The following LRCH1 variants were observed in gnomAD, a reference collection of about 807,000 sequenced individuals.
LRCH1 encodes the protein leucine rich repeats and calponin homology domain containing 1, also known as leucine-rich repeat and calponin homology domain-containing protein 1.
Under a neutral mutation model 94.9 loss-of-function variants are expected in LRCH1, and 23 were observed. The observed-to-expected ratio is 0.24, with a 90% CI of 0.17 to 0.34. The LOEUF (loss-of-function observed/expected upper bound fraction) is 0.34, where lower values mean the gene tolerates loss of function less well. LRCH1 is among the 10% of genes least tolerant of loss of function. The pLI, the probability that LRCH1 is intolerant of heterozygous loss-of-function variation, is 1.00. For missense variants in LRCH1, 790 were observed against 945.9 expected, an observed-to-expected ratio of 0.84 and a Z score of 2.16; for synonymous variants, 364 against 354.9, an observed-to-expected ratio of 1.03 and a Z score of -0.29.
At position 46,744,575 on chromosome 13, in the gene LRCH1, T is replaced by A; in HGVS notation, c.*2727T>A. The A allele has an allele frequency of 1.0e-6, 1 of 985,386 alleles. No homozygotes were observed. Among genetic ancestry groups the A allele is most frequent in the Non-Finnish European group, 1.2e-6 (1 of 829,930 alleles). The allele number at this position is 985,386 out of a possible 1,614,324, so 61.0% of individuals were successfully genotyped here. ...CAATGTATGATAATCGAGTATAAAT[T>A]TCATCAATGAGAGTAGATAAATAAA... On this transcript the variant is annotated 3_prime_UTR_variant, in exon 20 of 20. Transcript: ENST00000389797.
intron 1 of LRCH1, among the ~76,000 whole-genome samples, chr13:46,636,688 C>T (rs1024500657): frequency 3.3e-5 from 5 of 152,174 alleles, no homozygotes; most frequent in African/African-American, 1.2e-4. Context: ...AGTCATTTCT[C>T]AGTCTTTGGC....
At position 46,723,287 on chromosome 13, in the gene LRCH1, A is replaced by G. The variant is rs758168374; in HGVS notation, c.1826A>G (p.Glu609Gly). 22 of 1,613,752 alleles carry G rather than the reference A, an allele frequency of 1.4e-5. No homozygotes were observed. Among genetic ancestry groups the G allele is most frequent in the Non-Finnish European group, 1.9e-5 (22 of 1,179,728 alleles). Residue 609 changes from glutamate (E) to glycine (G), a missense_variant, in exon 17 of 20, where the codon GAG becomes GGG. Glu to Gly is a moderately conservative substitution (Grantham distance 98). Around this residue, in one of 3 missense-constraint regions of LRCH1, gnomAD observed 460 missense variants for 508.9 expected, o/e 0.90. Transcript: ENST00000389797. Reference protein sequence around the residue: ...DPQFTIRRKMEQMREEKELVE... With the variant: ...DPQFTIRRKMGQMREEKELVE... ...CAGTTTACAATCCGGAGGAAAATGG[A>G]GCAGATGAGAGAAGAGAAAGAGCTG...
At chr13:46,667,397 T>C (rs9567716) in intron 2 of LRCH1, among the ~76,000 whole-genome samples, 96,679 of 151,760 alleles carry the variant, frequency 0.64, 31,265 homozygotes, top group Middle Eastern at 0.72. Context: ...GAATGACATA[T>C]ATTCAGAAAA....
intron 1 of LRCH1, among the ~76,000 whole-genome samples, chr13:46,635,444 T>C (rs554657730): frequency 8.1e-5 from 12 of 148,732 alleles, no homozygotes; most frequent in African/African-American, 3.0e-4. Flanking sequence ...ACCCTCCACT[T>C]GAAAGATCCG....
intron 1 of LRCH1, among the ~76,000 whole-genome samples, chr13:46,632,553 TG>T (rs1255169743): frequency 6.6e-6 from 1 of 152,254 alleles, no homozygotes; most frequent in Non-Finnish European, 1.5e-5. Context: ...TATTTCAAAT[TG>T]TTTACAAGAC....
At chr13:46,689,621 C>T (rs181990214) in intron 7 of LRCH1, among the ~76,000 whole-genome samples, 6 of 152,190 alleles carry the variant, frequency 3.9e-5, no homozygotes, top group Admixed American at 3.9e-4. Flanking sequence ...ATCAACTGTA[C>T]ATTTTATTTT....
chr13:46,588,434 G>T (rs973372025), intron 1 of LRCH1, among the ~76,000 whole-genome samples: 5 of 151,940 alleles, frequency 3.3e-5, no homozygotes, highest in African/African-American at 4.8e-5. Flanking sequence ...CTTTTTATAT[G>T]TTTAAGGTCT....
chr13:46,666,374 G>A (rs2051516220), intron 2 of LRCH1, among the ~76,000 whole-genome samples: 1 of 152,182 alleles, frequency 6.6e-6, no homozygotes, highest in South Asian at 2.1e-4. Flanking sequence ...ATCTGAATGA[G>A]CAGAACTTTC....
At chr13:46,741,234 G>A (rs7996880) in intron 19 of LRCH1, among the ~76,000 whole-genome samples, 121,523 of 152,162 alleles carry the variant, frequency 0.8, 52,667 homozygotes, top group Non-Finnish European at 0.97. Flanking sequence ...GAGAGTGGGG[G>A]TAGGGATTCC....
chr13:46,603,252 A>G (rs2050651187), intron 1 of LRCH1, among the ~76,000 whole-genome samples: 1 of 152,096 alleles, frequency 6.6e-6, no homozygotes, highest in South Asian at 2.1e-4. Flanking sequence ...TGGGGAGAGC[A>G]GAGCCACACT....
intron 3 of LRCH1, among the ~76,000 whole-genome samples, chr13:46,671,101 C>T (rs1438024914): frequency 1.3e-5 from 2 of 152,206 alleles, no homozygotes; most frequent in Non-Finnish European, 2.9e-5. Context: ...AAGTTCCTAC[C>T]TTCTGGGAAT....
chr13:46,706,370 C>T (rs1049537681), intron 13 of LRCH1, among the ~76,000 whole-genome samples: 4 of 152,148 alleles, frequency 2.6e-5, no homozygotes, highest in African/African-American at 9.7e-5. Context: ...TAGCTTACTT[C>T]TCTATTATTG....
At chr13:46,729,992 G>T (rs1268756463) in intron 18 of LRCH1, among the ~76,000 whole-genome samples, 1 of 152,192 alleles carries the variant, frequency 6.6e-6, no homozygotes, top group Non-Finnish European at 1.5e-5. Flanking sequence ...CTCTTCCTAG[G>T]TATCACAGCA....
chr13:46,578,457 G>A (rs2050327757), intron 1 of LRCH1, among the ~76,000 whole-genome samples: 1 of 152,170 alleles, frequency 6.6e-6, no homozygotes, highest in South Asian at 2.1e-4. Context: ...AGGAAAATAT[G>A]AAGGCTGGAG....
At chr13:46,714,713 T>C (rs746670656) in intron 15 of LRCH1, among the ~76,000 whole-genome samples, 26 of 152,196 alleles carry the variant, frequency 1.7e-4, no homozygotes, top group African/African-American at 5.3e-4. Context: ...CCCTGCCTTA[T>C]GATTGAATAA....
At chr13:46,625,632 G>GTT (rs3040224) in intron 1 of LRCH1, among the ~76,000 whole-genome samples, 8,434 of 126,446 alleles carry the variant, frequency 0.067, 350 homozygotes, top group Non-Finnish European at 0.092. Flanking sequence ...AATGTGTGGG[G>GTT]TTTTTTTTTT....
At chr13:46,652,199 A>C (rs1019268448) in intron 2 of LRCH1, among the ~76,000 whole-genome samples, 5 of 149,664 alleles carry the variant, frequency 3.3e-5, no homozygotes, top group East Asian at 2.0e-4. Context: ...GCCTCAGCCT[A>C]CTGAGTAGCT....
At chr13:46,718,691 A>G (rs1872447251) in intron 16 of LRCH1, among the ~76,000 whole-genome samples, 1 of 152,204 alleles carries the variant, frequency 6.6e-6, no homozygotes. Context: ...TCAGCTAGTG[A>G]GAGTTCTGAT....
intron 1 of LRCH1, among the ~76,000 whole-genome samples, chr13:46,637,437 C>G (rs2051105107): frequency 6.6e-6 from 1 of 152,226 alleles, no homozygotes; most frequent in Non-Finnish European, 1.5e-5. Flanking sequence ...ATGTGATTGC[C>G]TACTCCATGA....
Sources: allele counts gnomAD v4.1 joint callset (sites outside exome capture counted in the v4.1 genomes callset), GRCh38; gene constraint gnomAD v4.1.1; regional missense constraint gnomAD v4.1.1; transcripts MANE v1.5; gene names NCBI Gene and HGNC (gene_info 2026-07-23, HGNC 2026-07-21).